The following RP2 variants were observed in gnomAD, a reference collection of about 807,000 sequenced individuals.
RP2 encodes RP2 activator of ARL3 GTPase.
RP2 carries 3 observed loss-of-function variants against 20.3 expected under a neutral mutation model. The ratio of observed to expected loss-of-function variants is 0.15; its 90% CI spans 0.07 to 0.38. RP2 has a LOEUF of 0.38. Among genes scored for constraint, RP2 ranks in the 10% least tolerant of loss-of-function variants. RP2 has a pLI of 1.00. For synonymous variants in RP2, 75 were observed against 94.8 expected, an observed-to-expected ratio of 0.79 and a Z score of 1.22; for missense variants, 233 against 268.5, an observed-to-expected ratio of 0.87 and a Z score of 0.92.
chrX:46,844,564 A>C (rs782434367), intron 1 of RP2, among the ~76,000 whole-genome samples: 1 of 111,241 alleles, frequency 9.0e-6, no homozygotes, highest in South Asian at 3.8e-4. Flanking sequence ...ACATTTTCTT[A>C]ATCCAGTCTA....
intron 1 of RP2, among the ~76,000 whole-genome samples, chrX:46,839,552 CA>C (rs1359672211): frequency 5.3e-4 from 53 of 100,375 alleles, no homozygotes; most frequent in Non-Finnish European, 3.5e-4. Flanking sequence ...ACCCTGTTTC[CA>C]AAAAAAAAAA....
At chrX:46,850,760 C>T (rs1924845979) in intron 1 of RP2, among the ~76,000 whole-genome samples, 1 of 111,770 alleles carries the variant, frequency 8.9e-6, no homozygotes, top group Non-Finnish European at 1.9e-5. Flanking sequence ...CTTCTCTGTC[C>T]CCTCCAAAAT....
intron 3 of RP2, among the ~76,000 whole-genome samples, chrX:46,862,857 G>C (rs1925102414): frequency 8.9e-6 from 1 of 111,970 alleles, no homozygotes; most frequent in Admixed American, 9.5e-5. Context: ...CATATGTAGA[G>C]TGTTCTTGCC....
chrX:46,847,900 A>C (rs1924784424), intron 1 of RP2, among the ~76,000 whole-genome samples: 1 of 84,689 alleles, frequency 1.2e-5, no homozygotes, highest in Non-Finnish European at 2.2e-5. Flanking sequence ...GCGTATATAC[A>C]TATATATGGA....
intron 1 of RP2, among the ~76,000 whole-genome samples, chrX:46,849,501 C>T (rs1236283237): frequency 2.7e-5 from 3 of 111,795 alleles, no homozygotes; most frequent in Non-Finnish European, 3.8e-5. Context: ...GCCACTGGCC[C>T]ACTCTCAAGT....
chrX:46,867,339 G>A (rs1205485609), intron 3 of RP2, among the ~76,000 whole-genome samples: 2 of 112,534 alleles, frequency 1.8e-5, no homozygotes, highest in East Asian at 2.8e-4. Flanking sequence ...GACCTCAGGC[G>A]ATCCGCCCGC....
At chrX:46,842,997 A>G (rs1271718991) in intron 1 of RP2, among the ~76,000 whole-genome samples, 1 of 100,869 alleles carries the variant, frequency 9.9e-6, no homozygotes, top group Non-Finnish European at 2.0e-5. Context: ...TGGTAACTCT[A>G]TGTTTAACTT....
Position 46,853,830 on chromosome X carries a change from C to T in RP2, c.457C>T (p.Pro153Ser). The change falls in exon 2 of 5, where the codon CCT (proline) becomes TCT (serine). Residue 153 changes from proline (P) to serine (S), a missense_variant. Pro to Ser is a moderately conservative substitution (Grantham distance 74). Coordinates refer to ENST00000218340, the MANE Select transcript of RP2 (RefSeq NM_006915.3). ...IKFGCFQWYY[P>S]ELAFQFKDAG... ...ATTTGGATGTTTTCAATGGTACTATCCTGAATTAGCTTTCCAGTTCAAAGA... is the reference window on the plus strand; with the variant it reads ...ATTTGGATGTTTTCAATGGTACTATTCTGAATTAGCTTTCCAGTTCAAAGA... 1 of 1,211,694 alleles carries T rather than the reference C, an allele frequency of 8.3e-7. No individual in the cohort carries two copies. Among genetic ancestry groups the T allele is most frequent in the Non-Finnish European group, 1.1e-6 (1 of 895,447 alleles).
intron 3 of RP2, among the ~76,000 whole-genome samples, chrX:46,871,417 TA>T (rs1447961900): frequency 8.9e-6 from 1 of 112,118 alleles, no homozygotes; most frequent in African/African-American, 3.2e-5. Context: ...CTGATTTAGT[TA>T]AAACTATTTT....
chrX:46,872,848 C>G (rs1396489298), intron 3 of RP2, among the ~76,000 whole-genome samples: 1 of 110,986 alleles, frequency 9.0e-6, no homozygotes, highest in Non-Finnish European at 1.9e-5. Context: ...GGTGATTCTT[C>G]TACCTCAGTC....
At chrX:46,844,571 T>A (rs782583161) in intron 1 of RP2, among the ~76,000 whole-genome samples, 2 of 111,568 alleles carry the variant, frequency 1.8e-5, no homozygotes, top group East Asian at 5.6e-4. Flanking sequence ...CTTAATCCAG[T>A]CTATCATTGA....
intron 1 of RP2, among the ~76,000 whole-genome samples, chrX:46,844,695 G>A (rs1308628219): frequency 9.0e-6 from 1 of 111,540 alleles, no homozygotes; most frequent in Non-Finnish European, 1.9e-5. Context: ...TATATACCCA[G>A]TAATGGGATG....
chrX:46,873,336 C>A (rs1420056625), intron 3 of RP2, among the ~76,000 whole-genome samples: 2 of 111,547 alleles, frequency 1.8e-5, no homozygotes, highest in Non-Finnish European at 3.8e-5. Context: ...ATATTTAGAT[C>A]TAAAGCTACC....
At chrX:46,870,602 T>A (rs950854848) in intron 3 of RP2, among the ~76,000 whole-genome samples, 3 of 111,739 alleles carry the variant, frequency 2.7e-5, no homozygotes, top group East Asian at 2.8e-4. Context: ...CACAAAAATG[T>A]GAAAAATACG....
intron 1 of RP2, among the ~76,000 whole-genome samples, chrX:46,847,741 C>CATATGTGTGTGTGTATATACACACAT (rs1924752701): frequency 1.2e-5 from 1 of 85,955 alleles, no homozygotes; most frequent in African/African-American, 4.7e-5. Context: ...TATATACACA[C>CATATGTGTGTGTGTATATACACACAT]ATATGTGTGT....
chrX:46,838,497 T>C (rs1282248319), intron 1 of RP2, among the ~76,000 whole-genome samples: 2 of 113,070 alleles, frequency 1.8e-5, no homozygotes, highest in Non-Finnish European at 3.7e-5. Flanking sequence ...TCCTCAGCCT[T>C]TGGCTTTCTA....
intron 3 of RP2, among the ~76,000 whole-genome samples, chrX:46,876,514 A>AAT (rs1344699552): frequency 2.7e-5 from 3 of 111,803 alleles, no homozygotes; most frequent in African/African-American, 9.8e-5. Context: ...CCATTTTATT[A>AAT]ATATATAAGG....
chrX:46,842,606 C>T (rs782404669), intron 1 of RP2, among the ~76,000 whole-genome samples: 5 of 111,905 alleles, frequency 4.5e-5, no homozygotes, highest in Non-Finnish European at 9.4e-5. Flanking sequence ...AAAAGAAACC[C>T]TGTACCCATT....
chrX:46,843,817 A>G (rs1256200035), intron 1 of RP2, among the ~76,000 whole-genome samples: 4 of 111,197 alleles, frequency 3.6e-5, no homozygotes, highest in African/African-American at 9.8e-5. Context: ...AGCTTATACT[A>G]TATAAGCTCA....
Sources: allele counts gnomAD v4.1 joint callset (sites outside exome capture counted in the v4.1 genomes callset), GRCh38; gene constraint gnomAD v4.1.1; transcripts MANE v1.5; gene names NCBI Gene and HGNC (gene_info 2026-07-23, HGNC 2026-07-21).